C8orf34: variants seen among roughly 807,000 people sequenced by gnomAD.
C8orf34 encodes chromosome 8 open reading frame 34, also known as uncharacterized protein C8orf34.
Under a neutral mutation model 68.3 loss-of-function variants are expected in C8orf34, and 65 were observed. The observed-to-expected ratio is 0.95, with a 90% CI of 0.78 to 1.17. The LOEUF (loss-of-function observed/expected upper bound fraction) is 1.17. C8orf34 is among the 50% of genes most tolerant of loss of function. The pLI, the probability that C8orf34 is intolerant of heterozygous loss-of-function variation, is 0.00. For synonymous variants in C8orf34, 244 were observed against 241.2 expected, an observed-to-expected ratio of 1.01 and a Z score of -0.11; for missense variants, 664 against 655.4, an observed-to-expected ratio of 1.01 and a Z score of -0.14.
chr8:68,407,213 C>CTT (rs11377794), intron 1 of C8orf34, among the ~76,000 whole-genome samples: 5 of 146,832 alleles, frequency 3.4e-5, no homozygotes, highest in Admixed American at 1.4e-4. Flanking sequence ...TCTAAGGTTC[C>CTT]TTTTTTTTTT....
At chr8:68,563,211 T>A (rs984489512) in intron 7 of C8orf34, among the ~76,000 whole-genome samples, 2 of 152,296 alleles carry the variant, frequency 1.3e-5, no homozygotes, top group Non-Finnish European at 1.5e-5. Context: ...CAATTTTTTT[T>A]AAAACAGTAA....
At chr8:68,430,199 A>C (rs948233136) in intron 1 of C8orf34, among the ~76,000 whole-genome samples, 1 of 152,140 alleles carries the variant, frequency 6.6e-6, no homozygotes, top group African/African-American at 2.4e-5. Flanking sequence ...AAAAAAACCT[A>C]AATGATGGGA....
chr8:68,603,041 C>T (rs1209365977), intron 7 of C8orf34, among the ~76,000 whole-genome samples: 1 of 152,110 alleles, frequency 6.6e-6, no homozygotes, highest in Non-Finnish European at 1.5e-5. Flanking sequence ...AGGGAAATCA[C>T]AGCCTTGCCA....
At chr8:68,780,643 T>A (rs1823648125) in intron 11 of C8orf34, among the ~76,000 whole-genome samples, 1 of 152,058 alleles carries the variant, frequency 6.6e-6, no homozygotes, top group African/African-American at 2.4e-5. Context: ...AATTGTGGAT[T>A]TTGGCCCAGC....
At chr8:68,497,233 A>C (rs1813562022) in intron 5 of C8orf34, among the ~76,000 whole-genome samples, 1 of 152,232 alleles carries the variant, frequency 6.6e-6, no homozygotes, top group Admixed American at 6.5e-5. Context: ...CCATATAAGG[A>C]GGTTGTTTAT....
chr8:68,718,840 C>T (rs778151444), intron 9 of C8orf34, among the ~76,000 whole-genome samples: 1 of 152,120 alleles, frequency 6.6e-6, no homozygotes, highest in African/African-American at 2.4e-5. Flanking sequence ...CTACTCCTGC[C>T]ACAGATTATT....
At chr8:68,813,803 C>T (rs2129530054) in intron 12 of C8orf34, among the ~76,000 whole-genome samples, 1 of 152,180 alleles carries the variant, frequency 6.6e-6, no homozygotes, top group Admixed American at 6.6e-5. Flanking sequence ...CCATCGGGCT[C>T]ACTGTTTTCC....
At chr8:68,409,950 G>C (rs1470706933) in intron 1 of C8orf34, among the ~76,000 whole-genome samples, 1 of 152,150 alleles carries the variant, frequency 6.6e-6, no homozygotes, top group African/African-American at 2.4e-5. Context: ...TGCTGTGCAG[G>C]TTAGTAGCCT....
At chr8:68,620,004 G>A (rs757372212) in intron 7 of C8orf34, among the ~76,000 whole-genome samples, 1 of 152,098 alleles carries the variant, frequency 6.6e-6, no homozygotes, top group African/African-American at 2.4e-5. Flanking sequence ...TGAAGAGGAA[G>A]GTGACAGAAT....
intron 7 of C8orf34, among the ~76,000 whole-genome samples, chr8:68,626,741 A>G (rs993461668): frequency 2.6e-5 from 4 of 152,212 alleles, no homozygotes; most frequent in African/African-American, 9.6e-5. Flanking sequence ...CAGGGGCTGT[A>G]GAAGTGTAAA....
At chr8:68,541,515 A>G (rs930586744) in intron 7 of C8orf34, among the ~76,000 whole-genome samples, 1 of 152,108 alleles carries the variant, frequency 6.6e-6, no homozygotes, top group Non-Finnish European at 1.5e-5. Context: ...ACTTGTTACT[A>G]TAATTCATAT....
At chr8:68,403,646 G>C (rs1198371601) in intron 1 of C8orf34, among the ~76,000 whole-genome samples, 1 of 151,838 alleles carries the variant, frequency 6.6e-6, no homozygotes, top group African/African-American at 2.4e-5. Flanking sequence ...TTGGTTTTCT[G>C]TTCCTGTGTT....
At position 68,468,677 on chromosome 8, in the gene C8orf34, T is replaced by A; in HGVS notation, c.608-15T>A. 6.2e-7 allele frequency: 1 copy of A among 1,607,732 alleles called. No homozygotes were observed. The highest frequency in any genetic ancestry group is 8.5e-7 in the Non-Finnish European group (1 of 1,177,570). ...TGTAGCATGCTTATGAAATTACCAT[T>A]TTTTTTAAACATAGTGCCAAGGTCA... On this transcript the variant is annotated splice_polypyrimidine_tract_variant and intron_variant, in intron 3 of 13. Coordinates refer to ENST00000518698, the MANE Select transcript of C8orf34 (RefSeq NM_052958.4).
chr8:68,353,603 C>T (rs1315339624), intron 1 of C8orf34, among the ~76,000 whole-genome samples: 2 of 145,044 alleles, frequency 1.4e-5, no homozygotes, highest in Admixed American at 1.4e-4. Context: ...TATATATACA[C>T]ACACATATAT....
At position 68,640,464 on chromosome 8, in the gene C8orf34, T is replaced by A. The variant is rs1335524116; in HGVS notation, c.1194T>A (p.Ala398=). Residue 398 remains alanine (A), a synonymous_variant, in exon 8 of 14, where the codon GCT becomes GCA. Coordinates refer to ENST00000518698, the MANE Select transcript of C8orf34 (RefSeq NM_052958.4). The part of the protein sequence containing the change: ...KFNQGRPTYP[A]EPQAKVTLNI... Reference sequence around the variant, plus strand: ...ACCAAGGCCGTCCTACTTACCCTGCTGAGCCTCAGGCCAAGGTCACACTGA... The same window carrying A: ...ACCAAGGCCGTCCTACTTACCCTGCAGAGCCTCAGGCCAAGGTCACACTGA... The A allele has an allele frequency of 2.5e-6, 4 of 1,613,986 alleles. No individual in the cohort carries two copies.
intron 1 of C8orf34, among the ~76,000 whole-genome samples, chr8:68,374,715 C>A (rs1296762232): frequency 3.9e-5 from 6 of 151,948 alleles, no homozygotes; most frequent in Non-Finnish European, 1.5e-5. Flanking sequence ...AAAATGTAAA[C>A]AGTTTAAATA....
intron 3 of C8orf34, among the ~76,000 whole-genome samples, chr8:68,449,069 GAA>G (rs1248695693): frequency 6.6e-6 from 1 of 152,044 alleles, no homozygotes; most frequent in Non-Finnish European, 1.5e-5. Context: ...AATTTAGTAA[GAA>G]TATAGACAAT....
intron 7 of C8orf34, among the ~76,000 whole-genome samples, chr8:68,559,653 T>A (rs1484918276): frequency 6.6e-6 from 1 of 152,188 alleles, no homozygotes; most frequent in Non-Finnish European, 1.5e-5. Context: ...TTACCTGGAT[T>A]TGCTTTTGTT....
rs142757954 is a variant in C8orf34 at position 68,709,032 on chromosome 8, C to T, written c.1280C>T (p.Ser427Leu). Residue 427 changes from serine to leucine, a missense_variant, in exon 9 of 14, where the codon TCA becomes TTA. Physicochemically the swap from Ser to Leu is moderately radical, Grantham distance 145. Transcript: ENST00000518698. ...AACCTGGAAGAAAGGACAGAAGAGT[C>T]ACTACCAATACTCCATTCTCCAGAT... ...GDNLEERTEE[S>L]LPILHSPDEK... The T allele has an allele frequency of 1.0e-4, 163 of 1,606,830 alleles. No individual in the cohort carries two copies. Among genetic ancestry groups the T allele is most frequent in the Non-Finnish European group, 1.3e-4 (157 of 1,178,200 alleles).
Sources: gnomAD v4.1 joint callset for allele counts (sites outside exome capture counted in the v4.1 genomes callset) on GRCh38, gnomAD v4.1.1 for gene constraint, MANE v1.5 for transcripts, NCBI Gene and HGNC (gene_info 2026-07-23, HGNC 2026-07-21) for gene names.